Variants in SNTG1 observed in about 807,000 individuals in gnomAD.
SNTG1 encodes gamma-1-syntrophin.
A neutral mutation model predicts 74.7 loss-of-function variants in SNTG1; 39 were observed. The ratio of observed to expected loss-of-function variants is 0.52; its 90% CI spans 0.40 to 0.68. SNTG1 has a LOEUF of 0.68. Ranked by LOEUF, SNTG1 falls within the 30% of genes least tolerant of loss-of-function variation. SNTG1 has a pLI of 0.00. For missense variants in SNTG1, 685 were observed against 609.5 expected, an observed-to-expected ratio of 1.12 and a Z score of -1.30; for synonymous variants, 254 against 217.1, an observed-to-expected ratio of 1.17 and a Z score of -1.49.
chr8:50,725,512 C>T (rs898923627), intron 17 of SNTG1, among the ~76,000 whole-genome samples: 3 of 152,140 alleles, frequency 2.0e-5, no homozygotes, highest in Non-Finnish European at 4.4e-5. Context: ...AACAAAACGT[C>T]TTTTACAAGC....
At chr8:50,714,349 C>T (rs1279527533) in intron 17 of SNTG1, among the ~76,000 whole-genome samples, 1 of 151,576 alleles carries the variant, frequency 6.6e-6, no homozygotes, top group Non-Finnish European at 1.5e-5. Context: ...GAAATTTGAC[C>T]TCTTCAAGGA....
intron 15 of SNTG1, among the ~76,000 whole-genome samples, chr8:50,703,884 C>A (rs1400280763): frequency 1.3e-5 from 2 of 152,178 alleles, no homozygotes; most frequent in Non-Finnish European, 2.9e-5. Flanking sequence ...CCTTATGCGG[C>A]ACATGACTGT....
intron 17 of SNTG1, among the ~76,000 whole-genome samples, chr8:50,746,793 A>G (rs1277350994): frequency 6.7e-6 from 1 of 148,534 alleles, no homozygotes; most frequent in Non-Finnish European, 1.5e-5. Context: ...TAAGTCATAT[A>G]TATGTATAAT....
intron 1 of SNTG1, among the ~76,000 whole-genome samples, chr8:50,166,554 A>G (rs1417054350): frequency 2.7e-5 from 1 of 36,490 alleles, no homozygotes; most frequent in African/African-American, 1.5e-4. Context: ...GAGAAATGCA[A>G]ATCAAAACCA....
rs554466621 is a variant in SNTG1, at chr8:50,614,469, TA to T, written c.849+23560del. Among the ~76,000 whole-genome samples, 1,205 of 151,868 alleles carry T rather than the reference TA, an allele frequency of 7.9e-3. 10 individuals carry two copies. Among genetic ancestry groups the T allele is most frequent in the African/African-American group, 0.027 (1,101 of 41,488 alleles). On this transcript the variant is annotated intron_variant, in intron 13 of 18. Transcript: ENST00000642720. ...TCTGGGTTGCTAATTTTACTTTATC[TA>T]AAAAAAAGAAATTGGATATCTAATG... is the stretch of plus-strand genomic sequence containing the variant.
intron 1 of SNTG1, among the ~76,000 whole-genome samples, chr8:50,132,132 T>C (rs376238921): frequency 6.6e-6 from 1 of 152,184 alleles, no homozygotes; most frequent in African/African-American, 2.4e-5. Context: ...TTTGTTATTC[T>C]TGCTCAAAAT....
intron 1 of SNTG1, among the ~76,000 whole-genome samples, chr8:49,979,928 C>T (rs1477510151): frequency 2.0e-5 from 3 of 152,226 alleles, no homozygotes; most frequent in Non-Finnish European, 4.4e-5. Context: ...AAAGAGCTTG[C>T]TGTTGAAAAA....
chr8:50,402,472 G>C (rs1244313760), intron 4 of SNTG1, 128 bp downstream of exon 4: 7 of 1,165,296 alleles, frequency 6.0e-6, no homozygotes, highest in Non-Finnish European at 8.4e-6. Flanking sequence ...TGGAATTTTT[G>C]CTTACATCAT....
intron 2 of SNTG1, among the ~76,000 whole-genome samples, chr8:50,369,999 T>G (rs1272775102): frequency 6.6e-6 from 1 of 152,170 alleles, no homozygotes; most frequent in Non-Finnish European, 1.5e-5. Flanking sequence ...GCCATAGAGA[T>G]ATGCAGAATA....
intron 15 of SNTG1, among the ~76,000 whole-genome samples, chr8:50,684,394 A>G (rs909177562): frequency 6.6e-6 from 1 of 152,148 alleles, no homozygotes; most frequent in African/African-American, 2.4e-5. Context: ...CTATTCAACA[A>G]TATTACAAGA....
intron 18 of SNTG1, among the ~76,000 whole-genome samples, chr8:50,783,460 T>G (rs528085813): frequency 6.6e-6 from 1 of 152,306 alleles, no homozygotes. Flanking sequence ...ACTGCTGTGC[T>G]AGCAATCAGG....
At chr8:50,344,695 T>C (rs746145437) in intron 2 of SNTG1, among the ~76,000 whole-genome samples, 1 of 152,166 alleles carries the variant, frequency 6.6e-6, no homozygotes, top group Non-Finnish European at 1.5e-5. Flanking sequence ...CCAGCACAGA[T>C]GCAGGTGTGG....
At chr8:50,435,108 G>T (rs1481190206) in intron 4 of SNTG1, among the ~76,000 whole-genome samples, 1 of 151,962 alleles carries the variant, frequency 6.6e-6, no homozygotes, top group Non-Finnish European at 1.5e-5. Flanking sequence ...TTTCTACAAA[G>T]CATACTAAGT....
intron 12 of SNTG1, among the ~76,000 whole-genome samples, chr8:50,582,766 G>A (rs964026279): frequency 2.6e-5 from 4 of 151,998 alleles, no homozygotes; most frequent in Admixed American, 2.6e-4. Context: ...TTTAATGAAT[G>A]TCCTTTTAAG....
At chr8:50,771,192 G>A (rs1482778267) in intron 18 of SNTG1, among the ~76,000 whole-genome samples, 1 of 152,076 alleles carries the variant, frequency 6.6e-6, no homozygotes, top group African/African-American at 2.4e-5. Flanking sequence ...GGGATCCTTA[G>A]GGTGATTCTG....
chr8:50,107,803 A>G (rs2080436867), intron 1 of SNTG1, among the ~76,000 whole-genome samples: 1 of 152,046 alleles, frequency 6.6e-6, no homozygotes, highest in Non-Finnish European at 1.5e-5. Context: ...TGCCCACCTA[A>G]GCCGCCCAAA....
At chr8:49,921,109 C>T (rs1585506093) in intron 1 of SNTG1, among the ~76,000 whole-genome samples, 2 of 151,624 alleles carry the variant, frequency 1.3e-5, no homozygotes, top group East Asian at 1.9e-4. Context: ...TCAGAGCTAC[C>T]GAAGTGGAGA....
intron 1 of SNTG1, among the ~76,000 whole-genome samples, chr8:49,931,484 G>A (rs937699420): frequency 2.6e-5 from 4 of 152,144 alleles, no homozygotes; most frequent in South Asian, 4.1e-4. Context: ...GATGGGATCC[G>A]TAACCCAAAC....
chr8:50,252,116 T>C (rs776894738), intron 2 of SNTG1, among the ~76,000 whole-genome samples: 46 of 151,860 alleles, frequency 3.0e-4, no homozygotes, highest in Non-Finnish European at 5.4e-4. Flanking sequence ...AACCAATAGA[T>C]CACTGAGAAA....
Sources: gnomAD v4.1 joint callset for allele counts (sites outside exome capture counted in the v4.1 genomes callset) on GRCh38, gnomAD v4.1.1 for gene constraint, MANE v1.5 for transcripts, NCBI Gene and HGNC (gene_info 2026-07-23, HGNC 2026-07-21) for gene names.